The following PKHD1L1 variants were observed in gnomAD, a reference collection of about 807,000 sequenced individuals.
PKHD1L1 encodes fibrocystin-L.
In PKHD1L1, 434 loss-of-function variants were observed where a neutral mutation model predicts 462.9. The ratio of observed to expected loss-of-function variants is 0.94; its 90% CI spans 0.87 to 1.02. The LOEUF (loss-of-function observed/expected upper bound fraction) is 1.02, where lower values mean the gene tolerates loss of function less well. PKHD1L1 is among the 50% of genes least tolerant of loss of function. PKHD1L1 has a pLI of 0.00. For synonymous variants in PKHD1L1, 1,781 were observed against 1,750.0 expected, an observed-to-expected ratio of 1.02 and a Z score of -0.44; for missense variants, 5,202 against 5,096.1, an observed-to-expected ratio of 1.02 and a Z score of -0.63.
chr8:109,398,367 TG>T, intron 11 of PKHD1L1, 91 bp from the exon 12 acceptor site: 1 of 790,038 alleles, frequency 1.3e-6, no homozygotes, highest in Non-Finnish European at 2.1e-6. Context: ...TATGCAACTT[TG>T]TTTTAATTGC....
At chr8:109,470,560 A>T (rs1817665939) in intron 50 of PKHD1L1, 1 of 1,607,364 alleles carries the variant, frequency 6.2e-7, no homozygotes, top group African/African-American at 1.3e-5. Flanking sequence ...TGCAGGAACT[A>T]TTCAGCTTAG....
In PKHD1L1 at chr8:109,409,871, G is replaced by A; in HGVS notation, c.1978G>A (p.Gly660Arg). 1.9e-6 allele frequency: 3 copies of A among 1,571,454 alleles called. No homozygotes were observed. The highest frequency in any genetic ancestry group is 2.6e-6 in the Non-Finnish European group (3 of 1,159,300). Residue 660 changes from glycine (G) to arginine (R), a missense_variant, in exon 19 of 78, where the codon GGA (glycine) becomes AGA (arginine). By Grantham distance (125) the Gly-to-Arg change is moderately radical. Around this residue, in one of 3 missense-constraint regions of PKHD1L1, gnomAD observed 4,497 missense variants for 4,336.8 expected, o/e 1.04. Transcript: ENST00000378402. ...GTTTATATTGTTAATTTAGTTTCAG[G>A]GAGCAGTGGAAGAAATGGTTAGCAC... Reference protein sequence around the residue: ...TLWSSEAEFQGAVEEMVSTKC... With the variant: ...TLWSSEAEFQRAVEEMVSTKC...
In PKHD1L1 at chr8:109,530,990, G is replaced by A. The variant is rs1246531587; in HGVS notation, c.*900G>A. On this transcript the variant is annotated 3_prime_UTR_variant, in exon 78 of 78. Coordinates refer to ENST00000378402, the MANE Select transcript of PKHD1L1 (RefSeq NM_177531.6). ...ACAGACTAAGGTAGCTAAGTTAACC[G>A]AACTCTCTAACAGTATTGAAAATAG... 2.0e-5 allele frequency among the ~76,000 whole-genome samples: 3 copies of A among 152,144 alleles called. No homozygotes were observed. The highest frequency in any genetic ancestry group is 4.4e-5 in the Non-Finnish European group (3 of 68,012).
intron 72 of PKHD1L1, among the ~76,000 whole-genome samples, chr8:109,517,680 A>G (rs766708545): frequency 1.3e-5 from 2 of 151,436 alleles, no homozygotes; most frequent in African/African-American, 4.9e-5. Flanking sequence ...TGTATACTTC[A>G]TTTTTATTAC....
At chr8:109,453,075 A>T (rs997900617) in intron 43 of PKHD1L1, among the ~76,000 whole-genome samples, 5 of 152,300 alleles carry the variant, frequency 3.3e-5, no homozygotes, top group South Asian at 2.1e-4. Context: ...AGCATTTTAA[A>T]AATTAAATAG....
intron 52 of PKHD1L1, 80 bp downstream of exon 52, chr8:109,476,747 T>C: frequency 8.1e-7 from 1 of 1,233,226 alleles, no homozygotes; most frequent in Non-Finnish European, 1.1e-6. Flanking sequence ...TAAGCAAATG[T>C]GTTGTGCAGT....
At chr8:109,483,336 A>G (rs965774474) in intron 57 of PKHD1L1, among the ~76,000 whole-genome samples, 1 of 150,844 alleles carries the variant, frequency 6.6e-6, no homozygotes, top group African/African-American at 2.4e-5. Flanking sequence ...CATATAATAC[A>G]TAGGTATGTA....
chr8:109,454,526 C>T (rs189934602), intron 44 of PKHD1L1, among the ~76,000 whole-genome samples, 197 bp from the exon 45 acceptor site: 4 of 152,156 alleles, frequency 2.6e-5, no homozygotes, highest in Admixed American at 2.0e-4. Context: ...ATCAGTATAC[C>T]TTTCAAAGGT....
At chr8:109,380,117 A>T (rs1246048577) in intron 2 of PKHD1L1, among the ~76,000 whole-genome samples, 1 of 152,162 alleles carries the variant, frequency 6.6e-6, no homozygotes, top group East Asian at 1.9e-4. Context: ...CATGGTGAAA[A>T]TTAATTATAG....
At chr8:109,471,106 C>T (rs1445613338) in intron 50 of PKHD1L1, 1 of 1,511,228 alleles carries the variant, frequency 6.6e-7, no homozygotes, top group Admixed American at 1.7e-5. Context: ...GCATCTGAAA[C>T]ATCTAAACTA....
intron 24 of PKHD1L1, among the ~76,000 whole-genome samples, chr8:109,425,981 C>A (rs1814726084): frequency 6.6e-6 from 1 of 152,088 alleles, no homozygotes; most frequent in African/African-American, 2.4e-5. Context: ...CATTATTTAT[C>A]AGTTGTACGG....
chr8:109,498,949 G>T (rs1476035932), intron 67 of PKHD1L1, 178 bp downstream of exon 67: 5 of 620,510 alleles, frequency 8.1e-6, no homozygotes, highest in Non-Finnish European at 1.4e-5. Flanking sequence ...TTCTTGGCAG[G>T]ATTCTTATAC....
At chr8:109,450,937 A>G (rs746647306) in intron 40 of PKHD1L1, 38 bp from the exon 41 acceptor site, 3 of 1,547,138 alleles carry the variant, frequency 1.9e-6, no homozygotes, top group Non-Finnish European at 2.6e-6. Flanking sequence ...TCAGGGCCCG[A>G]TGGCAGAACT....
At chr8:109,508,057 T>G (rs775616085) in intron 69 of PKHD1L1, 40 bp from the exon 70 acceptor site, 2 of 1,544,808 alleles carry the variant, frequency 1.3e-6, no homozygotes, top group South Asian at 2.5e-5. Context: ...TGCAAAGAGA[T>G]TCTGTATTAT....
chr8:109,390,966 A>T (rs1812684540), intron 9 of PKHD1L1, among the ~76,000 whole-genome samples: 1 of 152,192 alleles, frequency 6.6e-6, no homozygotes, highest in African/African-American at 2.4e-5. Context: ...ACTCATATTT[A>T]TGACTTCTAA....
In PKHD1L1 at chr8:109,415,800, A is replaced by G. The variant is rs528497878; in HGVS notation, c.2360+2255A>G. On this transcript the variant is annotated intron_variant, in intron 21 of 77. Coordinates refer to ENST00000378402, the MANE Select transcript of PKHD1L1 (RefSeq NM_177531.6). ...GAGATCCAGGCTGCAGTGAGCCAAG[A>G]TTGTGACACTGCACTCCAGCCTGGG... is the stretch of plus-strand genomic sequence containing the variant. 1.3e-4 allele frequency among the ~76,000 whole-genome samples: 19 copies of G among 149,760 alleles called. No individual in the cohort carries two copies. In the Admixed American group the frequency reaches 1.3e-3, roughly 10 times the overall value.
rs1322885036 is a variant in PKHD1L1, at chr8:109,464,281, C to A, written c.7449C>A (p.Asp2483Glu). ...RYPIHWHLLG[D>E]LQFKSYVRGC... is the part of the protein sequence containing the mutation. The stretch of plus-strand genomic sequence containing the variant: ...CAATACATTGGCACCTGCTTGGAGA[C>A]TTACAGTTTAAATCTTATGTAAGAG... Residue 2483 changes from aspartate (D) to glutamate (E), a missense_variant, in exon 49 of 78, where the codon GAC (aspartate) becomes GAA (glutamate). Coordinates refer to ENST00000378402, the MANE Select transcript of PKHD1L1 (RefSeq NM_177531.6). 5 of 1,612,724 alleles carry A rather than the reference C, an allele frequency of 3.1e-6. No homozygotes were observed. The highest frequency in any genetic ancestry group is 8.5e-7 in the Non-Finnish European group (1 of 1,179,172).
intron 59 of PKHD1L1, among the ~76,000 whole-genome samples, chr8:109,487,939 AGG>A (rs1818637360): frequency 6.6e-6 from 1 of 150,486 alleles, no homozygotes; most frequent in East Asian, 2.0e-4. Flanking sequence ...GAAGGAAGGA[AGG>A]AAAGAAGGAA....
intron 72 of PKHD1L1, 144 bp from the exon 73 acceptor site, chr8:109,518,023 T>C (rs1820360420): frequency 1.6e-6 from 1 of 620,120 alleles, no homozygotes; most frequent in Admixed American, 3.3e-5. Context: ...TGTTTTTGTT[T>C]TTAAAAAGGT....
Sources: allele counts gnomAD v4.1 joint callset (sites outside exome capture counted in the v4.1 genomes callset), GRCh38; gene constraint gnomAD v4.1.1; regional missense constraint gnomAD v4.1.1; transcripts MANE v1.5; gene names NCBI Gene and HGNC (gene_info 2026-07-23, HGNC 2026-07-21).